VPS11: variants seen among roughly 807,000 people sequenced by gnomAD.
VPS11 encodes vacuolar protein sorting-associated protein 11 homolog.
VPS11 carries 51 observed loss-of-function variants against 106.8 expected under a neutral mutation model. The ratio of observed to expected loss-of-function variants is 0.48; its 90% confidence interval spans 0.38 to 0.60. The LOEUF is 0.60. Among genes scored for constraint, VPS11 ranks in the 20% least tolerant of loss-of-function variants. VPS11 has a pLI of 0.00. For synonymous variants in VPS11, 453 were observed against 458.7 expected (o/e 0.99, Z 0.16); for missense variants, 950 against 1,190.0 (o/e 0.80, Z 2.97).
chr11:119,073,883 T>C lies in VPS11; in HGVS notation c.1170T>C (p.Ile390=). The change falls in exon 7 of 16, where the codon ATT becomes ATC. Residue 390 remains isoleucine (I), a synonymous_variant. Coordinates refer to ENST00000621676, the MANE Select transcript of VPS11 (RefSeq NM_021729.6). ...TGGACAGTGATGGGCTGGCCCAGAT[T>C]TTCATGCAGTATGGAGACCATCTCT... The part of the protein sequence containing the change: ...QHLDSDGLAQ[I]FMQYGDHLYS... 6.2e-7 allele frequency: 1 copy of C among 1,613,904 alleles called. No individual in the cohort carries two copies. Among genetic ancestry groups the C allele is most frequent in the Non-Finnish European group, 8.5e-7 (1 of 1,179,874 alleles).
At position 119,070,349 on chromosome 11, in the gene VPS11, A is replaced by G. The variant is rs570151697; in HGVS notation, c.588A>G (p.Gln196=). 6.2e-7 allele frequency: 1 copy of G among 1,613,464 alleles called. No individual in the cohort carries two copies. The highest frequency in any genetic ancestry group is 2.2e-5 in the East Asian group (1 of 44,882). ...NYPVTGLAFR[Q]AGKTTHLFVV... The stretch of plus-strand genomic sequence containing the variant: ...CTGTAACTGGATTGGCCTTTCGCCA[A>G]GCAGGAAAGACCACTCACTTGTTTG... Residue 196 remains glutamine (Q), a synonymous_variant, in exon 4 of 16, where the codon CAA becomes CAG. Coordinates refer to ENST00000621676, the MANE Select transcript of VPS11 (RefSeq NM_021729.6).
At chr11:119,072,261 C>T in intron 5 of VPS11, 1 of 177,354 alleles carries the variant, frequency 5.6e-6, no homozygotes, top group Non-Finnish European at 1.2e-5. Context: ...CCACTGCACC[C>T]AGCCAGTGAC....
chr11:119,071,929 C>T, intron 5 of VPS11, 86 bp downstream of exon 5: 2 of 1,511,380 alleles, frequency 1.3e-6, no homozygotes, highest in South Asian at 1.3e-5. Flanking sequence ...TGCCTGGATA[C>T]TGCCAATCTC....
At chr11:119,073,560 G>T in intron 6 of VPS11, 161 bp downstream of exon 6, 1 of 990,854 alleles carries the variant, frequency 1.0e-6, no homozygotes, top group Non-Finnish European at 1.4e-6. Flanking sequence ...CTGGGATGGG[G>T]CTTTAGAGGG....
intron 5 of VPS11, chr11:119,072,212 C>T (rs1479534539): frequency 1.3e-5 from 3 of 224,928 alleles, no homozygotes; most frequent in South Asian, 6.7e-5. Context: ...GTGATCTACC[C>T]GCCTCGGCCT....
At chr11:119,069,150 T>C in intron 1 of VPS11, 46 bp from the exon 2 acceptor site, 1 of 1,609,484 alleles carries the variant, frequency 6.2e-7, no homozygotes, top group South Asian at 1.1e-5. Flanking sequence ...CTGGTCTGAA[T>C]GTAAGTATCT....
At chr11:119,071,501 G>C in intron 4 of VPS11, 95 bp from the exon 5 acceptor site, 25 of 1,492,018 alleles carry the variant, frequency 1.7e-5, no homozygotes, top group Non-Finnish European at 2.3e-5. Flanking sequence ...TGCCAAGAGG[G>C]AAAAAAGAGC....
rs1415695967 is a variant in VPS11, at chr11:119,076,876, C to T, written c.1239-21C>T. ...AGAAGTACACTGATTCAGATGCTAT[C>T]GGGTGCACATGTCTCCCTAGAACCA... On this transcript the variant is annotated intron_variant, in intron 7 of 15. Transcript: ENST00000621676. 9.3e-6 allele frequency: 15 copies of T among 1,612,782 alleles called. No individual in the cohort carries two copies. In the East Asian group the frequency reaches 2.2e-4, roughly 24 times the overall value.
At chr11:119,077,726 G>C in intron 9 of VPS11, 79 bp downstream of exon 9, 1 of 1,541,292 alleles carries the variant, frequency 6.5e-7, no homozygotes, top group Non-Finnish European at 8.8e-7. Flanking sequence ...CCTGGGCTCA[G>C]GTGATCCTCC....
At chr11:119,079,380 T>C in intron 14 of VPS11, 80 bp downstream of exon 14, 2 of 1,448,146 alleles carry the variant, frequency 1.4e-6, no homozygotes, top group Non-Finnish European at 1.8e-6. Context: ...GTACTTTCCG[T>C]AGAGGATACT....
chr11:119,068,089 G>A lies in VPS11; in HGVS notation c.187+79G>A, dbSNP rs192536270. ...TTAGGATGAAATCTGTTTGTCGGAG[G>A]GGTCCGTGCCGCGCGCCTCTTTGGT... is the stretch of plus-strand genomic sequence containing the variant. On this transcript the variant is annotated intron_variant, in intron 1 of 15. Transcript: ENST00000621676. The A allele has an allele frequency of 3.5e-5, 51 of 1,444,216 alleles. No homozygotes were observed. The East Asian group carries it at 9.1e-4, about 26-fold the overall frequency. 89.5% of individuals were successfully genotyped at this position (1,444,216 alleles called of 1,614,324 possible).
Position 119,073,389 on chromosome 11 carries a change from C to T in VPS11, c.1076C>T (p.Thr359Ile), listed in dbSNP as rs1368797486. The change falls in exon 6 of 16, where the codon ACC becomes ATC. Residue 359 changes from threonine to isoleucine, a missense_variant. This residue lies in a region of VPS11 where 435 missense variants were observed against 630.2 expected (regional missense o/e 0.69). Coordinates refer to ENST00000621676, the MANE Select transcript of VPS11 (RefSeq NM_021729.6). ...GCACTGCAGGAGAAGGACACACAGA[C>T]CAAACTGGAGGCAAGGCCACCAGGC... is the stretch of plus-strand genomic sequence containing the variant. The part of the protein sequence containing the change: ...VHALQEKDTQ[T>I]KLEMLFKKNL... 4 of 1,612,860 alleles carry T rather than the reference C, an allele frequency of 2.5e-6. No homozygotes were observed. The highest frequency in any genetic ancestry group is 3.4e-6 in the Non-Finnish European group (4 of 1,179,828).
rs150298027 is a variant in VPS11, at chr11:119,075,431, G to A, written c.1239-1466G>A. Among the ~76,000 whole-genome samples, 115 of 151,736 alleles carry A rather than the reference G, an allele frequency of 7.6e-4. No homozygotes were observed. The East Asian group carries it at 0.015, about 20-fold the overall frequency. ...ATAAAATTTAAAAATATGGCTGGGC[G>A]CCGTGGCTCATTCCTGTAATCCCAG... On this transcript the variant is annotated intron_variant, in intron 7 of 15. Transcript: ENST00000621676.
chr11:119,069,999 A>AAATAAATAAATAAAT (rs1945309500), intron 3 of VPS11, among the ~76,000 whole-genome samples: 2 of 141,708 alleles, frequency 1.4e-5, no homozygotes, highest in East Asian at 2.1e-4. Flanking sequence ...ACTCTGTCTC[A>AAATAAATAAATAAAT]AAATAAATAA....
At position 119,076,928 on chromosome 11, in the gene VPS11, A is replaced by T; in HGVS notation, c.1270A>T (p.Ile424Phe). Reference sequence around the variant, plus strand: ...TGGAAAGTTGGAGCCATCCTACGTGATCCGCAAGTTTCTGGATGCCCAGCG... The same window carrying T: ...TGGAAAGTTGGAGCCATCCTACGTGTTCCGCAAGTTTCTGGATGCCCAGCG... ...TIGKLEPSYV[I>F]RKFLDAQRIH... The change falls in exon 8 of 16, where the codon ATC becomes TTC. Residue 424 changes from isoleucine (I) to phenylalanine (F), a missense_variant. By Grantham distance (21) the Ile-to-Phe change is conservative. Around this residue, in one of 3 missense-constraint regions of VPS11, gnomAD observed 435 missense variants for 630.2 expected, o/e 0.69. Coordinates refer to ENST00000621676, the MANE Select transcript of VPS11 (RefSeq NM_021729.6). 1 of 1,614,014 alleles carries T rather than the reference A, an allele frequency of 6.2e-7. No homozygotes were observed. The highest frequency in any genetic ancestry group is 1.1e-5 in the South Asian group (1 of 91,074).
rs782393783 is a variant in VPS11 at position 119,077,012 on chromosome 11, G to A, written c.1354G>A (p.Asp452Asn). The change falls in exon 8 of 16, where the codon GAC becomes AAC. Residue 452 changes from aspartate (D) to asparagine (N), a missense_variant. By Grantham distance (23) the Asp-to-Asn change is conservative. Around this residue, in one of 3 missense-constraint regions of VPS11, gnomAD observed 435 missense variants for 630.2 expected, o/e 0.69. Transcript: ENST00000621676. The part of the protein sequence containing the change: ...TLHRQSLANA[D>N]HTTLLLNCYT... ...GCACCGACAATCCCTGGCCAATGCC[G>A]ACCATACCACCCTGCTCCTCAACTG... 1.4e-5 allele frequency: 23 copies of A among 1,613,644 alleles called. No individual in the cohort carries two copies. Among genetic ancestry groups the A allele is most frequent in the South Asian group, 9.9e-5 (9 of 91,030 alleles).
rs1945406436 is a variant in VPS11 at position 119,071,853 on chromosome 11, CAGTG to C, written c.884+13_884+16del. On this transcript the variant is annotated intron_variant, in intron 5 of 15. Transcript: ENST00000621676. ...GGAAGGTTTCTCCCAAGTAAGGACT[CAGTG>C]AGAAGGGACAGGGAGAGGGCTGGAC... 4 of 1,609,156 alleles carry C rather than the reference CAGTG, an allele frequency of 2.5e-6. No individual in the cohort carries two copies. The South Asian group carries it at 4.4e-5, about 18-fold the overall frequency.
chr11:119,080,948 A>T, intron 14 of VPS11, 144 bp from the exon 15 acceptor site: 1 of 730,242 alleles, frequency 1.4e-6, no homozygotes, highest in Non-Finnish European at 2.4e-6. Flanking sequence ...TGACTCCCTT[A>T]AGGCGATAAG....
chr11:119,073,361 C>T lies in VPS11; in HGVS notation c.1048C>T (p.His350Tyr). Reference protein sequence around the residue: ...LYVLTRDGRVHALQEKDTQTK... With the variant: ...LYVLTRDGRVYALQEKDTQTK... ...CGTGCTGACGCGGGATGGGCGGGTC[C>T]ACGCACTGCAGGAGAAGGACACACA... Residue 350 changes from histidine to tyrosine, a missense_variant, in exon 6 of 16, where the codon CAC (histidine) becomes TAC (tyrosine). This residue lies in a region of VPS11 where 435 missense variants were observed against 630.2 expected (regional missense o/e 0.69). Transcript: ENST00000621676. The T allele has an allele frequency of 6.2e-7, 1 of 1,613,610 alleles. No individual in the cohort carries two copies. The highest frequency in any genetic ancestry group is 1.3e-5 in the African/African-American group (1 of 75,024).
Sources: gnomAD v4.1 joint callset for allele counts (sites outside exome capture counted in the v4.1 genomes callset) on GRCh38, gnomAD v4.1.1 for gene constraint, gnomAD v4.1.1 regional missense constraint, MANE v1.5 for transcripts, NCBI Gene and HGNC (gene_info 2026-07-23, HGNC 2026-07-21) for gene names.